Variants in PAAF1 observed in about 807,000 individuals in gnomAD.
The protein encoded by PAAF1 is proteasomal ATPase associated factor 1.
Under a neutral mutation model 52.8 loss-of-function variants are expected in PAAF1, and 46 were observed. The observed-to-expected ratio is 0.87, with a 90% CI of 0.69 to 1.11. PAAF1 has a LOEUF of 1.11. Ranked by LOEUF, PAAF1 falls within the 50% of genes most tolerant of loss-of-function variation. PAAF1 has a pLI of 0.00. For missense variants in PAAF1, 424 were observed against 477.4 expected (o/e 0.89, Z 1.04); for synonymous variants, 178 against 172.8 (o/e 1.03, Z -0.24).
intron 7 of PAAF1, among the ~76,000 whole-genome samples, chr11:73,913,305 A>G (rs955907020): frequency 1.3e-5 from 2 of 152,172 alleles, no homozygotes; most frequent in African/African-American, 4.8e-5. Flanking sequence ...TTTTAAAGTT[A>G]AAGTTTAGGC....
intron 10 of PAAF1, chr11:73,921,727 T>A: frequency 9.1e-7 from 1 of 1,103,694 alleles, no homozygotes; most frequent in East Asian, 2.7e-5. Context: ...CTTGCAGCGT[T>A]TATCATTCTG....
chr11:73,882,939 G>A (rs1948958692), intron 2 of PAAF1, among the ~76,000 whole-genome samples: 1 of 152,048 alleles, frequency 6.6e-6, no homozygotes, highest in South Asian at 2.1e-4. Context: ...TTGCCCTGTT[G>A]CCCAGGCTGG....
chr11:73,878,173 G>A (rs770105940), intron 1 of PAAF1, among the ~76,000 whole-genome samples: 6 of 152,186 alleles, frequency 3.9e-5, no homozygotes, highest in Non-Finnish European at 8.8e-5. Context: ...TACACAGAAT[G>A]TGATAAGTAA....
At chr11:73,906,577 A>G (rs370436633) in intron 6 of PAAF1, among the ~76,000 whole-genome samples, 5 of 152,064 alleles carry the variant, frequency 3.3e-5, no homozygotes, top group African/African-American at 9.7e-5. Flanking sequence ...TTTAAATTGG[A>G]TCTATTTGAA....
rs1433378213 is a variant in PAAF1 at position 73,891,210 on chromosome 11, T to G, written c.282+9T>G. 1 of 1,471,284 alleles carries G rather than the reference T, an allele frequency of 6.8e-7. No individual in the cohort carries two copies. Among genetic ancestry groups the G allele is most frequent in the Non-Finnish European group, 9.4e-7 (1 of 1,060,636 alleles). The allele number at this position is 1,471,284 out of a possible 1,614,324, so 91.1% of individuals were successfully genotyped here. A position where few individuals can be genotyped will look rare whatever the true frequency, so the allele number is the denominator to read the frequency against. On this transcript the variant is annotated intron_variant, in intron 4 of 11. Transcript: ENST00000310571. Reference sequence around the variant, plus strand: ...GAATTCATACAAAGAGTGTAAGTATTTTGATAAAATGAAGAGAAAATGTAA... The same window carrying G: ...GAATTCATACAAAGAGTGTAAGTATGTTGATAAAATGAAGAGAAAATGTAA...
chr11:73,908,309 A>ATATATATGTG (rs1176664330), intron 6 of PAAF1, among the ~76,000 whole-genome samples: 2 of 144,430 alleles, frequency 1.4e-5, no homozygotes, highest in African/African-American at 5.1e-5. Context: ...GTATATATGT[A>ATATATATGTG]TATATATGTG....
chr11:73,887,517 C>A, intron 3 of PAAF1, 60 bp downstream of exon 3: 3 of 1,086,712 alleles, frequency 2.8e-6, no homozygotes, highest in Non-Finnish European at 4.0e-6. Context: ...ACCCAAACAT[C>A]TACCTTAGAT....
rs186414695 is a variant in PAAF1 at position 73,896,136 on chromosome 11, G to T, written c.283-3010G>T. On this transcript the variant is annotated intron_variant, in intron 4 of 11. Coordinates refer to ENST00000310571, the MANE Select transcript of PAAF1 (RefSeq NM_025155.3). ...AAAAAAACACAAAAACTATAAAAGT[G>T]AGTTTGGAAAACAAAAAGTGAATCT... 1.3e-3 allele frequency among the ~76,000 whole-genome samples: 197 copies of T among 151,904 alleles called. 1 individual carries two copies. Among genetic ancestry groups the T allele is most frequent in the African/African-American group, 4.5e-3 (188 of 41,422 alleles).
chr11:73,896,735 C>T (rs1949379774), intron 4 of PAAF1, among the ~76,000 whole-genome samples: 4 of 152,258 alleles, frequency 2.6e-5, no homozygotes, highest in Admixed American at 2.6e-4. Context: ...GATTCTCAAT[C>T]TTTTCCCCAC....
At chr11:73,882,738 G>T (rs898978150) in intron 2 of PAAF1, among the ~76,000 whole-genome samples, 7 of 152,184 alleles carry the variant, frequency 4.6e-5, no homozygotes, top group African/African-American at 1.4e-4. Flanking sequence ...AAGTAGCTGG[G>T]ATTACAGGTG....
At chr11:73,926,007 C>T (rs1264176512) in intron 11 of PAAF1, among the ~76,000 whole-genome samples, 2 of 149,866 alleles carry the variant, frequency 1.3e-5, no homozygotes, top group African/African-American at 2.5e-5. Context: ...TCAGTTTGTA[C>T]GTAATTGAGA....
At chr11:73,916,718 G>T in intron 9 of PAAF1, 58 bp downstream of exon 9, 2 of 1,207,844 alleles carry the variant, frequency 1.7e-6, no homozygotes, top group South Asian at 1.3e-5. Context: ...ATTTTTATTG[G>T]CTTTAACATT....
chr11:73,927,432 C>A lies in PAAF1; in HGVS notation c.*70C>A. ...GATCAACAATGAGCAGAAACATCAT[C>A]AGTCCTTCCCAAGGACCATGGCGTT... On this transcript the variant is annotated 3_prime_UTR_variant, in exon 12 of 12. Coordinates refer to ENST00000310571, the MANE Select transcript of PAAF1 (RefSeq NM_025155.3). The A allele has an allele frequency of 7.8e-7, 1 of 1,278,446 alleles. No homozygotes were observed. Among genetic ancestry groups the A allele is most frequent in the Non-Finnish European group, 1.1e-6 (1 of 883,080 alleles). 79.2% of individuals were successfully genotyped at this position (1,278,446 alleles called of 1,614,324 possible). A position where few individuals can be genotyped will look rare whatever the true frequency, so the allele number is the denominator to read the frequency against.
chr11:73,922,893 A>C (rs1950260983), intron 10 of PAAF1, among the ~76,000 whole-genome samples: 1 of 151,874 alleles, frequency 6.6e-6, no homozygotes, highest in Non-Finnish European at 1.5e-5. Flanking sequence ...ATTAGTGAGG[A>C]GATTTAAGTT....
intron 10 of PAAF1, among the ~76,000 whole-genome samples, chr11:73,919,321 C>T (rs114467183): frequency 0.012 from 1,865 of 152,234 alleles, 26 homozygotes; most frequent in Middle Eastern, 0.037. Context: ...GGCAGACAGA[C>T]GTGTGAACAT....
At chr11:73,881,699 TTTTGTTTG>T (rs929144773) in intron 2 of PAAF1, among the ~76,000 whole-genome samples, 1 of 152,076 alleles carries the variant, frequency 6.6e-6, no homozygotes, top group Admixed American at 6.6e-5. Flanking sequence ...CAAGGAGTTT[TTTTGTTTG>T]TTTGTTTGTT....
At chr11:73,882,477 G>A (rs893297457) in intron 2 of PAAF1, among the ~76,000 whole-genome samples, 6 of 151,166 alleles carry the variant, frequency 4.0e-5, no homozygotes, top group East Asian at 3.9e-4. Flanking sequence ...ATGGAGTTTC[G>A]CTCTTGTCGC....
chr11:73,895,204 G>A (rs1949312491), intron 4 of PAAF1, among the ~76,000 whole-genome samples: 1 of 152,220 alleles, frequency 6.6e-6, no homozygotes, highest in Admixed American at 6.5e-5. Flanking sequence ...GAGAGAAAAG[G>A]AGGAGTTGGG....
rs112216714 is a variant in PAAF1 at position 73,922,053 on chromosome 11, T to C, written c.1019-2562T>C. On this transcript the variant is annotated intron_variant, in intron 10 of 11. Transcript: ENST00000310571. ...GAAGAAGACATTGGCCTTGAACTAA[T>C]AGATGGCTTCATCCACAGTATCTGT... 1.3e-3 allele frequency: 1,113 copies of C among 832,854 alleles called. 6 individuals are homozygous for C. The African/African-American group carries it at 0.014, about 10-fold the overall frequency. The allele number at this position is 832,854 out of a possible 1,614,324, so 51.6% of individuals were successfully genotyped here.
Sources: gnomAD v4.1 joint callset for allele counts (sites outside exome capture counted in the v4.1 genomes callset) on GRCh38, gnomAD v4.1.1 for gene constraint, MANE v1.5 for transcripts, NCBI Gene and HGNC (gene_info 2026-07-23, HGNC 2026-07-21) for gene names.